KIRREL3: variants seen among roughly 807,000 people sequenced by gnomAD.
KIRREL3 encodes the protein kin of IRRE-like protein 3.
KIRREL3 carries 36 observed loss-of-function variants against 89.7 expected under a neutral mutation model. That is an observed-to-expected ratio of 0.40 (90% CI 0.31 to 0.53). KIRREL3 has a LOEUF of 0.53. Among genes scored for constraint, KIRREL3 ranks in the 20% least tolerant of loss-of-function variants. The pLI, the probability that KIRREL3 is intolerant of heterozygous loss-of-function variation, is 0.49. For synonymous variants in KIRREL3, 445 were observed against 441.4 expected (o/e 1.01, Z -0.10); for missense variants, 864 against 1,056.6 (o/e 0.82, Z 2.53).
At chr11:126,577,544 C>A (rs879596038) in intron 1 of KIRREL3, among the ~76,000 whole-genome samples, 2 of 140,946 alleles carry the variant, frequency 1.4e-5, no homozygotes, top group African/African-American at 2.7e-5. Context: ...GTCAGGAGAT[C>A]GAGACCAGCC....
chr11:126,548,272 A>C (rs1046731749), intron 2 of KIRREL3, among the ~76,000 whole-genome samples: 7 of 152,174 alleles, frequency 4.6e-5, no homozygotes, highest in Non-Finnish European at 8.8e-5. Context: ...GCCCACTTGT[A>C]TCTGCAGGCC....
At chr11:127,001,053 C>G (rs1950303100), upstream of KIRREL3, 1 of 167,792 alleles carries the variant, frequency 6.0e-6, no homozygotes, top group African/African-American at 2.4e-5. Flanking sequence ...TGGAGTGGAG[C>G]TGTGACTTTT....
Position 126,513,868 on chromosome 11 carries a change from C to T in KIRREL3, c.433+7447G>A, listed in dbSNP as rs77845304. 0.14 allele frequency among the ~76,000 whole-genome samples: 21,457 copies of T among 152,136 alleles called. 1,652 individuals are homozygous for T. The highest frequency in any genetic ancestry group is 0.17 in the Admixed American group (2,588 of 15,288). On this transcript the variant is annotated intron_variant, in intron 4 of 16. Transcript: ENST00000525144. The surrounding 1 kb of genome is among the most constrained non-coding windows in gnomAD (Gnocchi z 5.9). ...CAGCGTGGCATTATGGCATTGAACC[C>T]ACAGGGTGGACCTCAGGGAGCTATA...
Position 126,755,845 on chromosome 11 carries a change from GAGAGA to G in KIRREL3, c.56-192938_56-192934del, listed in dbSNP as rs1949478760. On this transcript the variant is annotated intron_variant, in intron 1 of 16. Transcript: ENST00000525144. This position sits in a 1 kb window ranked among gnomAD's most constrained non-coding sequence, Gnocchi z 4.3. ...AGGCAGAGAGAGAGAGAGAGAGAGA[GAGAGA>G]GAGAGGGAGAGAGGGAGAGAGAAAA... is the stretch of plus-strand genomic sequence containing the variant. Among the ~76,000 whole-genome samples the G allele has an allele frequency of 1.4e-5, 2 of 141,990 alleles. No homozygotes were observed. The highest frequency in any genetic ancestry group is 2.8e-5 in the African/African-American group (1 of 36,054). 93.2% of individuals were successfully genotyped at this position (141,990 alleles called of 152,430 possible). A position where few individuals can be genotyped will look rare whatever the true frequency, so the allele number is the denominator to read the frequency against.
intron 1 of KIRREL3, among the ~76,000 whole-genome samples, chr11:126,929,490 C>T (rs1022159064): frequency 1.6e-4 from 25 of 152,166 alleles, no homozygotes; most frequent in African/African-American, 5.8e-4. Context: ...TCTGACTTGC[C>T]TAAAAAGATC....
At chr11:126,581,871 A>G (rs1022489291) in intron 1 of KIRREL3, among the ~76,000 whole-genome samples, 1 of 152,162 alleles carries the variant, frequency 6.6e-6, no homozygotes, top group Admixed American at 6.6e-5. Context: ...TGGAAGGGAC[A>G]AGGGGAAGGT....
rs1330255714 is a variant in KIRREL3 at position 126,905,091 on chromosome 11, G to A, written c.55+95364C>T. On this transcript the variant is annotated intron_variant, in intron 1 of 16. Coordinates refer to ENST00000525144, the MANE Select transcript of KIRREL3 (RefSeq NM_032531.4). The surrounding 1 kb of genome is among the most constrained non-coding windows in gnomAD (Gnocchi z 5.0). ...CAAAAAGGGCGACATGATGGTTGGT[G>A]TCTATGAAGACAGCTGTGTGTCATC... Among the ~76,000 whole-genome samples the A allele has an allele frequency of 1.3e-5, 2 of 152,184 alleles. No homozygotes were observed. The highest frequency in any genetic ancestry group is 4.8e-5 in the African/African-American group (2 of 41,440).
In KIRREL3 at chr11:126,682,776, G is replaced by A. The variant is rs1285788007; in HGVS notation, c.56-119864C>T. ...AACGCCTCTGCTGATCTGACAGGAG[G>A]CAGAGTTCGGGCGGCAATGTTCACT... On this transcript the variant is annotated intron_variant, in intron 1 of 16. Coordinates refer to ENST00000525144, the MANE Select transcript of KIRREL3 (RefSeq NM_032531.4). The surrounding 1 kb of genome is among the most constrained non-coding windows in gnomAD (Gnocchi z 4.8). Among the ~76,000 whole-genome samples the A allele has an allele frequency of 6.6e-6, 1 of 152,174 alleles. No homozygotes were observed. The highest frequency in any genetic ancestry group is 2.4e-5 in the African/African-American group (1 of 41,440).
At chr11:126,743,963 A>C (rs976505497) in intron 1 of KIRREL3, among the ~76,000 whole-genome samples, 2 of 152,216 alleles carry the variant, frequency 1.3e-5, no homozygotes, top group African/African-American at 4.8e-5. Context: ...GGAGACTACT[A>C]TATTTCTGCT....
intron 5 of KIRREL3, among the ~76,000 whole-genome samples, chr11:126,467,584 C>T (rs1012326667): frequency 2.2e-4 from 34 of 151,898 alleles, no homozygotes; most frequent in Middle Eastern, 3.5e-3. Context: ...GCAGCAAGGC[C>T]GCCTCGCTTC....
chr11:126,451,087 G>A lies in KIRREL3; in HGVS notation c.849-1930C>T, dbSNP rs536336219. Among the ~76,000 whole-genome samples, 42 of 147,374 alleles carry A rather than the reference G, an allele frequency of 2.8e-4. 2 individuals are homozygous for A. The South Asian group carries it at 8.1e-3, about 28-fold the overall frequency. ...TGCATGTGCATGTGTGTGCGTGTGT[G>A]CATATGTGTCCATGTGCATGTGTGC... On this transcript the variant is annotated intron_variant, in intron 7 of 16. Transcript: ENST00000525144.
chr11:126,832,639 G>C (rs117662340), intron 1 of KIRREL3, among the ~76,000 whole-genome samples: 6 of 152,318 alleles, frequency 3.9e-5, no homozygotes, highest in Non-Finnish European at 8.8e-5. Context: ...CAAATGTGTG[G>C]TCCTGAAGGG....
intron 12 of KIRREL3, 36 bp from the exon 13 acceptor site, chr11:126,435,339 C>T (rs1018005104): frequency 6.2e-7 from 1 of 1,613,102 alleles, no homozygotes; most frequent in Non-Finnish European, 8.5e-7. Flanking sequence ...ACAGCCAGGG[C>T]CTGGCTGGCC....
chr11:126,901,213 CA>C lies in KIRREL3; in HGVS notation c.55+99241del, dbSNP rs58769659. ...TGGGTAACAGAGCGAGATTCCGTCT[CA>C]AAAAAAAAAAAAAAAAAAGACTCTG... On this transcript the variant is annotated intron_variant, in intron 1 of 16. Transcript: ENST00000525144. Among the ~76,000 whole-genome samples the C allele has an allele frequency of 8.4e-3, 722 of 86,036 alleles. 6 individuals are homozygous for C. The highest frequency in any genetic ancestry group is 0.033 in the East Asian group (87 of 2,630). The allele number at this position is 86,036 out of a possible 152,430, so 56.4% of individuals were successfully genotyped here.
rs1464859923 is a variant in KIRREL3 at position 126,432,917 on chromosome 11, C to T, written c.1589-1391G>A. Among the ~76,000 whole-genome samples, 2 of 152,146 alleles carry T rather than the reference C, an allele frequency of 1.3e-5. No homozygotes were observed. Among genetic ancestry groups the T allele is most frequent in the Non-Finnish European group, 2.9e-5 (2 of 68,030 alleles). On this transcript the variant is annotated intron_variant, in intron 13 of 16. Coordinates refer to ENST00000525144, the MANE Select transcript of KIRREL3 (RefSeq NM_032531.4). This position sits in a 1 kb window ranked among gnomAD's most constrained non-coding sequence, Gnocchi z 6.2. ...TTTTTGGGATGGAGTCTGGCTGTGA[C>T]ACCCAGGCTGGAGGGCAGTGGCACG...
At position 126,461,198 on chromosome 11, in the gene KIRREL3, G is replaced by A. The variant is rs1956529273; in HGVS notation, c.742+1959C>T. On this transcript the variant is annotated intron_variant, in intron 6 of 16. Transcript: ENST00000525144. ...CACCCATGGGTTGTGGAGCCGTCGTGGATGCTGGACTGCATGGCTTTGCGG... is the reference window on the plus strand; with the variant it reads ...CACCCATGGGTTGTGGAGCCGTCGTAGATGCTGGACTGCATGGCTTTGCGG... Among the ~76,000 whole-genome samples the A allele has an allele frequency of 2.0e-5, 3 of 152,246 alleles. No homozygotes were observed. In the South Asian group the frequency reaches 6.2e-4, roughly 31 times the overall value.
At position 126,772,396 on chromosome 11, in the gene KIRREL3, A is replaced by T. The variant is rs570916562; in HGVS notation, c.56-209484T>A. Among the ~76,000 whole-genome samples the T allele has an allele frequency of 7.9e-5, 12 of 152,268 alleles. No individual in the cohort carries two copies. Among genetic ancestry groups the T allele is most frequent in the African/African-American group, 2.6e-4 (11 of 41,558 alleles). On this transcript the variant is annotated intron_variant, in intron 1 of 16. Transcript: ENST00000525144. This position sits in a 1 kb window ranked among gnomAD's most constrained non-coding sequence, Gnocchi z 4.6. ...GTGGAATGCCAGGCTCAGCGGCACCACGTGGTGCGGGGATGGCTTATAATT... is the reference window on the plus strand; with the variant it reads ...GTGGAATGCCAGGCTCAGCGGCACCTCGTGGTGCGGGGATGGCTTATAATT...
chr11:126,520,087 G>A lies in KIRREL3; in HGVS notation c.433+1228C>T, dbSNP rs1056171439. 7.2e-5 allele frequency among the ~76,000 whole-genome samples: 11 copies of A among 152,170 alleles called. No individual in the cohort carries two copies. The highest frequency in any genetic ancestry group is 1.3e-4 in the Non-Finnish European group (9 of 68,040). ...CTCCGAGCTTGGTAAGTGGTCCTCCGGGGCCTGTCTGCTGCACTGCTTGGA... is the reference window on the plus strand; with the variant it reads ...CTCCGAGCTTGGTAAGTGGTCCTCCAGGGCCTGTCTGCTGCACTGCTTGGA... On this transcript the variant is annotated intron_variant, in intron 4 of 16. Transcript: ENST00000525144. The surrounding 1 kb of genome is among the most constrained non-coding windows in gnomAD (Gnocchi z 4.9).
chr11:126,435,331 A>AGCCAGGGCCTGGCTG, intron 12 of KIRREL3, 28 bp from the exon 13 acceptor site: 15 of 1,587,526 alleles, frequency 9.4e-6, no homozygotes, highest in Non-Finnish European at 1.3e-5. Flanking sequence ...AAGCGTCTAC[A>AGCCAGGGCCTGGCTG]GCCAGGGCCT....
Sources: allele counts gnomAD v4.1 joint callset (sites outside exome capture counted in the v4.1 genomes callset), GRCh38; gene constraint gnomAD v4.1.1; non-coding constraint Gnocchi (gnomAD v3.1); transcripts MANE v1.5; gene names NCBI Gene and HGNC (gene_info 2026-07-23, HGNC 2026-07-21).